CTU2: variants seen among roughly 807,000 people sequenced by gnomAD.
CTU2 encodes cytosolic thiouridylase subunit 2.
In CTU2, 80 loss-of-function variants were observed where a neutral mutation model predicts 64.1. The ratio of observed to expected loss-of-function variants is 1.25; its 90% confidence interval spans 1.04 to 1.50. CTU2 has a LOEUF of 1.50. Ranked by LOEUF, CTU2 falls within the 40% of genes most tolerant of loss-of-function variation. The probability of loss-of-function intolerance (pLI) is 0.00; values close to 1 mark genes in which losing one functional copy is unlikely to be tolerated. For synonymous variants in CTU2, 482 were observed against 285.3 expected, an observed-to-expected ratio of 1.69 and a Z score of -6.95; for missense variants, 1,110 against 690.2, an observed-to-expected ratio of 1.61 and a Z score of -6.81.
rs1484008246 is a variant in CTU2 at position 88,706,511 on chromosome 16, C to T, written c.-20C>T. 3 of 1,417,240 alleles carry T rather than the reference C, an allele frequency of 2.1e-6. No homozygotes were observed. The highest frequency in any genetic ancestry group is 2.7e-6 in the Non-Finnish European group (3 of 1,092,036). The allele number at this position is 1,417,240 out of a possible 1,614,324, so 87.8% of individuals were successfully genotyped here. Reference sequence around the variant, plus strand: ...CTCGCGCTGTCGCCGCCACAGTCTGCGACGGGACCCGGCGTGCCCATGTGT... The same window carrying T: ...CTCGCGCTGTCGCCGCCACAGTCTGTGACGGGACCCGGCGTGCCCATGTGT... On this transcript the variant is annotated 5_prime_UTR_variant, in exon 1 of 15. Coordinates refer to ENST00000453996, the MANE Select transcript of CTU2 (RefSeq NM_001012759.3).
At chr16:88,714,541 G>C (rs756578549) in intron 11 of CTU2, 46 bp from the exon 12 acceptor site, 1 of 1,612,326 alleles carries the variant, frequency 6.2e-7, no homozygotes, top group East Asian at 2.2e-5. Flanking sequence ...GAGTGGGTGT[G>C]GGGGCTCAGC....
In CTU2 at chr16:88,715,247, G is replaced by C; in HGVS notation, c.1544G>C (p.Ser515Thr). Residue 515 changes from serine (S) to threonine (T), a missense_variant, in exon 15 of 15, where the codon AGC (serine) becomes ACC (threonine). Coordinates refer to ENST00000453996, the MANE Select transcript of CTU2 (RefSeq NM_001012759.3). The stretch of plus-strand genomic sequence containing the variant: ...GACAGTGACGACGAGGCGGGCCAGA[G>C]CTGAGCGTGAGGACGTGCTTGCCGG... ...IEDSDDEAGQ[S>T] 1 of 1,611,568 alleles carries C rather than the reference G, an allele frequency of 6.2e-7. No homozygotes were observed. The highest frequency in any genetic ancestry group is 8.5e-7 in the Non-Finnish European group (1 of 1,179,866).
chr16:88,714,629 C>T lies in CTU2; in HGVS notation c.1244C>T (p.Ser415Phe). 1.2e-6 allele frequency: 2 copies of T among 1,612,650 alleles called. No individual in the cohort carries two copies. Among genetic ancestry groups the T allele is most frequent in the Non-Finnish European group, 1.7e-6 (2 of 1,179,890 alleles). Reference protein sequence around the residue: ...AFGAQTSSRLSQMQSPIPLTE... With the variant: ...AFGAQTSSRLFQMQSPIPLTE... ...GGGGCTCAGACCTCCTCGCGTCTCT[C>T]CCAGATGCAGTCACCCATCCCCCTG... Residue 415 changes from serine (S) to phenylalanine (F), a missense_variant, in exon 12 of 15, where the codon TCC becomes TTC. Physicochemically the swap from Ser to Phe is radical, Grantham distance 155 (BLOSUM62 -2). Coordinates refer to ENST00000453996, the MANE Select transcript of CTU2 (RefSeq NM_001012759.3).
At position 88,715,089 on chromosome 16, in the gene CTU2, C is replaced by T. The variant is rs1030753036; in HGVS notation, c.1461C>T (p.Ala487=). 6.3e-7 allele frequency: 1 copy of T among 1,579,586 alleles called. No homozygotes were observed. Among genetic ancestry groups the T allele is most frequent in the Non-Finnish European group, 8.6e-7 (1 of 1,161,546 alleles). The change falls in exon 14 of 15, where the codon GCC becomes GCT. Residue 487 remains alanine, a synonymous_variant. Transcript: ENST00000453996. ...TGCCGCCGTACATCCTGGCTGAGGC[C>T]CAGCTCCGCACACAGAGGTACTGGG... is the stretch of plus-strand genomic sequence containing the variant. ...DPLPPYILAE[A]QLRTQRAWGL...
At position 88,706,548 on chromosome 16, in the gene CTU2, G is replaced by T; in HGVS notation, c.18G>T (p.Glu6Asp). 6.9e-7 allele frequency: 1 copy of T among 1,458,886 alleles called. No homozygotes were observed. The highest frequency in any genetic ancestry group is 9.0e-7 in the Non-Finnish European group (1 of 1,112,460). 90.4% of individuals were successfully genotyped at this position (1,458,886 alleles called of 1,614,324 possible). The change falls in exon 1 of 15, where the codon GAG becomes GAT. Residue 6 changes from glutamate (E) to aspartate (D), a missense_variant. Coordinates refer to ENST00000453996, the MANE Select transcript of CTU2 (RefSeq NM_001012759.3). ...GCGTGCCCATGTGTCAGGTGGGCGA[G>T]GACTACGGGGAGCCGGCGCCTGAGG... is the stretch of plus-strand genomic sequence containing the variant. MCQVG[E>D]DYGEPAPEEP...
intron 1 of CTU2, 175 bp downstream of exon 1, chr16:88,706,773 C>A (rs960664735): frequency 1.5e-5 from 8 of 528,710 alleles, no homozygotes; most frequent in Non-Finnish European, 2.6e-5. Context: ...AGGGGACTTA[C>A]TCCACTGGCT....
rs375508646 is a variant in CTU2 at position 88,712,395 on chromosome 16, G to A, written c.453+12G>A. 9 of 1,588,042 alleles carry A rather than the reference G, an allele frequency of 5.7e-6. No homozygotes were observed. The highest frequency in any genetic ancestry group is 6.9e-6 in the Non-Finnish European group (8 of 1,164,594). On this transcript the variant is annotated intron_variant, in intron 6 of 14. Transcript: ENST00000453996. ...TGGCCTTAGAGGAGGTGGGAGGGCT[G>A]TCCCTGGAAAGGGGTCCCGGAGGTG...
rs771740494 is a variant in CTU2, at chr16:88,714,691, C to G, written c.1306C>G (p.Pro436Ala). 5.6e-6 allele frequency: 9 copies of G among 1,611,848 alleles called. No individual in the cohort carries two copies. The highest frequency in any genetic ancestry group is 2.2e-5 in the South Asian group (2 of 91,010). Residue 436 changes from proline (P) to alanine (A), a missense_variant, in exon 12 of 15, where the codon CCA becomes GCA. Transcript: ENST00000453996. The stretch of plus-strand genomic sequence containing the variant: ...GACACCCCCGGGGCCCTGCTGTTCT[C>G]CAGGGGTGGGCTGGGCCCAGCGCTG... ...TRTPPGPCCS[P>A]GVGWAQRCGQ... is the part of the protein sequence containing the mutation.
At chr16:88,707,265 G>A in intron 2 of CTU2, 55 bp downstream of exon 2, 1 of 1,485,928 alleles carries the variant, frequency 6.7e-7, no homozygotes. Flanking sequence ...TAGCAGACAG[G>A]ATAGCCGCAA....
chr16:88,713,807 T>C (rs1020038278), intron 9 of CTU2, 29 bp downstream of exon 9: 4 of 1,611,168 alleles, frequency 2.5e-6, no homozygotes, highest in Non-Finnish European at 3.4e-6. Context: ...GCAACCTCTC[T>C]CACCATTGAC....
intron 4 of CTU2, chr16:88,710,755 A>G (rs1567647429): frequency 5.9e-6 from 1 of 168,210 alleles, no homozygotes; most frequent in Non-Finnish European, 1.3e-5. Context: ...TGGCTCAGCC[A>G]TGTGTGACCC....
At chr16:88,714,509 G>A in intron 11 of CTU2, 23 bp downstream of exon 11, 3 of 1,612,588 alleles carry the variant, frequency 1.9e-6, no homozygotes, top group Non-Finnish European at 2.5e-6. Flanking sequence ...TGCTCTTGGG[G>A]TGATGCGGGG....
chr16:88,713,535 G>T, intron 8 of CTU2, 88 bp downstream of exon 8: 2 of 1,435,074 alleles, frequency 1.4e-6, no homozygotes, highest in Admixed American at 5.1e-5. Flanking sequence ...TCGCGTATCA[G>T]TCCTGCGGCC....
At position 88,714,741 on chromosome 16, in the gene CTU2, AGTCCCT is replaced by A; in HGVS notation, c.1352+12_1352+17del. 2 of 1,606,742 alleles carry A rather than the reference AGTCCCT, an allele frequency of 1.2e-6. No individual in the cohort carries two copies. Among genetic ancestry groups the A allele is most frequent in the Non-Finnish European group, 1.7e-6 (2 of 1,176,388 alleles). On this transcript the variant is annotated splice_donor_5th_base_variant and intron_variant, in intron 12 of 14. Transcript: ENST00000453996. Reference sequence around the variant, plus strand: ...GTGGCCAGGGGGCCTGCAGGAGGTGAGTCCCTGTCCCTGCCACCCATGGCCAGCTGC... The same window carrying A: ...GTGGCCAGGGGGCCTGCAGGAGGTGAGTCCCTGCCACCCATGGCCAGCTGC...
chr16:88,712,678 C>A lies in CTU2; in HGVS notation c.510C>A (p.Ser170=), dbSNP rs184157016. 1 of 1,610,552 alleles carries A rather than the reference C, an allele frequency of 6.2e-7. No individual in the cohort carries two copies. Among genetic ancestry groups the A allele is most frequent in the Non-Finnish European group, 8.5e-7 (1 of 1,179,520 alleles). The change falls in exon 7 of 15, where the codon TCC becomes TCA. Residue 170 remains serine, a synonymous_variant. Transcript: ENST00000453996. ...LWCSAQELVG[S]EGAYKAAVDS... ...GCTCTGCCCAGGAGCTGGTGGGATC[C>A]GAGGGGGCCTACAAGGCGGCCGTGG...
At chr16:88,712,483 G>A in intron 6 of CTU2, 100 bp downstream of exon 6, 1 of 1,448,524 alleles carries the variant, frequency 6.9e-7, no homozygotes, top group Non-Finnish European at 9.3e-7. Context: ...CCAGAAGGCG[G>A]GGCTGTCGGT....
Position 88,714,650 on chromosome 16 carries a change from C to A in CTU2, c.1265C>A (p.Pro422His), listed in dbSNP as rs768400688. 1 of 1,612,602 alleles carries A rather than the reference C, an allele frequency of 6.2e-7. No individual in the cohort carries two copies. Among genetic ancestry groups the A allele is most frequent in the Non-Finnish European group, 8.5e-7 (1 of 1,179,866 alleles). Reference sequence around the variant, plus strand: ...CTCTCCCAGATGCAGTCACCCATCCCCCTGACTGAGACCCGGACACCCCCG... The same window carrying A: ...CTCTCCCAGATGCAGTCACCCATCCACCTGACTGAGACCCGGACACCCCCG... The part of the protein sequence containing the change: ...SRLSQMQSPI[P>H]LTETRTPPGP... The change falls in exon 12 of 15, where the codon CCC becomes CAC. Residue 422 changes from proline to histidine, a missense_variant. By Grantham distance (77) the Pro-to-His change is moderately conservative. Coordinates refer to ENST00000453996, the MANE Select transcript of CTU2 (RefSeq NM_001012759.3).
At chr16:88,715,136 G>T (rs1184657500) in intron 14 of CTU2, 30 bp downstream of exon 14, 1 of 1,606,676 alleles carries the variant, frequency 6.2e-7, no homozygotes. Flanking sequence ...CGTGGCGCGT[G>T]GGTAAGGGGC....
In CTU2 at chr16:88,714,578, T is replaced by C. The variant is rs1465674378; in HGVS notation, c.1202-9T>C. The C allele has an allele frequency of 6.2e-7, 1 of 1,612,672 alleles. No homozygotes were observed. The highest frequency in any genetic ancestry group is 8.5e-7 in the Non-Finnish European group (1 of 1,179,888). ...GCCCCAGGCTCCGTCACCCCCTCTCTGCTTGCAGACAGTGCCACGGCTTTT... is the reference window on the plus strand; with the variant it reads ...GCCCCAGGCTCCGTCACCCCCTCTCCGCTTGCAGACAGTGCCACGGCTTTT... On this transcript the variant is annotated splice_polypyrimidine_tract_variant and intron_variant, in intron 11 of 14. Coordinates refer to ENST00000453996, the MANE Select transcript of CTU2 (RefSeq NM_001012759.3).
Sources: allele counts gnomAD v4.1 joint callset, GRCh38; gene constraint gnomAD v4.1.1; transcripts MANE v1.5; gene names NCBI Gene and HGNC (gene_info 2026-07-23, HGNC 2026-07-21).